Variants in CYLC2 observed in about 807,000 individuals in gnomAD.
CYLC2 encodes the protein cylicin 2.
In CYLC2, 30 loss-of-function variants were observed where a neutral mutation model predicts 26.1. The ratio of observed to expected loss-of-function variants is 1.15; its 90% confidence interval spans 0.86 to 1.56. The LOEUF is 1.56. Among genes scored for constraint, CYLC2 ranks in the 40% most tolerant of loss-of-function variants. CYLC2 has a pLI of 0.00. For missense variants in CYLC2, 498 were observed against 394.4 expected, an observed-to-expected ratio of 1.26 and a Z score of -2.23; for synonymous variants, 158 against 132.8, an observed-to-expected ratio of 1.19 and a Z score of -1.31.
Position 103,005,607 on chromosome 9 carries a change from G to A in CYLC2, c.976G>A (p.Asp326Asn), listed in dbSNP as rs775213952. Reference sequence around the variant, plus strand: ...GGATGCAAAGAAAAATGCTAAGAAGGATGCAAAGAAGGATGCAAAGAAGAA... The same window carrying A: ...GGATGCAAAGAAAAATGCTAAGAAGAATGCAAAGAAGGATGCAAAGAAGAA... ...KKDAKKNAKK[D>N]AKKDAKKNAK... Residue 326 changes from aspartate (D) to asparagine (N), a missense_variant, in exon 5 of 8, where the codon GAT becomes AAT. Physicochemically the swap from Asp to Asn is conservative, Grantham distance 23. Coordinates refer to ENST00000374798, the MANE Select transcript of CYLC2 (RefSeq NM_001340.5). 6 of 1,609,092 alleles carry A rather than the reference G, an allele frequency of 3.7e-6. No homozygotes were observed. The Middle Eastern group carries it at 5.0e-4, about 133-fold the overall frequency.
intron 1 of CYLC2, 69 bp downstream of exon 1, chr9:102,995,466 G>A (rs568432404): frequency 2.1e-5 from 24 of 1,161,474 alleles, no homozygotes; most frequent in South Asian, 1.6e-4. Flanking sequence ...TCTTTAGTAT[G>A]AAGAGATATT....
intron 6 of CYLC2, among the ~76,000 whole-genome samples, chr9:103,013,149 A>T (rs1315591797): frequency 6.7e-5 from 6 of 89,696 alleles, no homozygotes; most frequent in Non-Finnish European, 9.0e-5. Flanking sequence ...AATATATCAT[A>T]TATAAATATA....
intron 5 of CYLC2, among the ~76,000 whole-genome samples, chr9:103,008,505 A>T (rs1231400651): frequency 6.6e-6 from 1 of 152,054 alleles, no homozygotes; most frequent in Non-Finnish European, 1.5e-5. Context: ...CACCTAGTTG[A>T]CTAGCTTCCA....
Position 103,014,130 on chromosome 9 carries a change from A to G in CYLC2, c.*816+2033A>G, listed in dbSNP as rs1829457447. Among the ~76,000 whole-genome samples, 3 of 119,780 alleles carry G rather than the reference A, an allele frequency of 2.5e-5. No individual in the cohort carries two copies. In the South Asian group the frequency reaches 7.5e-4, roughly 30 times the overall value. The allele number at this position is 119,780 out of a possible 152,430, so 78.6% of individuals were successfully genotyped here. A position where few individuals can be genotyped will look rare whatever the true frequency, so the allele number is the denominator to read the frequency against. On this transcript the variant is annotated intron_variant, in intron 6 of 7. Coordinates refer to ENST00000374798, the MANE Select transcript of CYLC2 (RefSeq NM_001340.5). ...TAATAAATATATTTTATATTATATTATAATATATTAAATATATTATTTAAT... is the reference window on the plus strand; with the variant it reads ...TAATAAATATATTTTATATTATATTGTAATATATTAAATATATTATTTAAT...
chr9:103,008,171 A>T (rs1829371407), intron 5 of CYLC2, among the ~76,000 whole-genome samples: 1 of 152,024 alleles, frequency 6.6e-6, no homozygotes, highest in Non-Finnish European at 1.5e-5. Flanking sequence ...AGGCCCTTAA[A>T]ATTATTTTCA....
At chr9:103,011,469 A>T (rs1306277262) in intron 5 of CYLC2, among the ~76,000 whole-genome samples, 7 of 152,102 alleles carry the variant, frequency 4.6e-5, no homozygotes, top group Admixed American at 3.3e-4. Context: ...ATTTCTATAG[A>T]AAAGGTGACA....
Position 103,004,987 on chromosome 9 carries a change from A to T in CYLC2, c.356A>T (p.Glu119Val). Reference sequence around the variant, plus strand: ...TCCCCAGAAATTGGTAAGAAAGGTGAAGACAAGACAACACAGAAGGACACA... The same window carrying T: ...TCCCCAGAAATTGGTAAGAAAGGTGTAGACAAGACAACACAGAAGGACACA... The part of the protein sequence containing the change: ...SKAAEIGKKG[E>V]DKTTQKDTTD... Residue 119 changes from glutamate to valine, a missense_variant, in exon 5 of 8, where the codon GAA (glutamate) becomes GTA (valine). Transcript: ENST00000374798. 6.3e-7 allele frequency: 1 copy of T among 1,580,746 alleles called. No homozygotes were observed. Among genetic ancestry groups the T allele is most frequent in the Non-Finnish European group, 8.5e-7 (1 of 1,171,694 alleles).
At chr9:102,998,619 A>T (rs949742134) in intron 1 of CYLC2, among the ~76,000 whole-genome samples, 2 of 151,902 alleles carry the variant, frequency 1.3e-5, no homozygotes, top group Admixed American at 6.6e-5. Context: ...TATTTGGTTT[A>T]TTGCTGTTTG....
chr9:103,004,747 AC>A lies in CYLC2; in HGVS notation c.235del (p.Arg79ValfsTer3). ...RGDRRQPLWMYRSLMRISERP... is the reference protein window; with the variant it reads ...RGDRRQPLWMXRSLMRISERP... ...GATCGTAGACAACCATTATGGATGT[AC>A]CGTTCTTTAATGAGAATTTCTGAGA... On this transcript the variant is annotated frameshift_variant, in exon 4 of 8. Coordinates refer to ENST00000374798, the MANE Select transcript of CYLC2 (RefSeq NM_001340.5). LOFTEE classifies it high-confidence loss of function. The A allele has an allele frequency of 6.2e-7, 1 of 1,608,898 alleles. No homozygotes were observed. Among genetic ancestry groups the A allele is most frequent in the Non-Finnish European group, 8.5e-7 (1 of 1,177,256 alleles).
At chr9:103,001,657 C>T (rs779328192) in intron 2 of CYLC2, 39 bp downstream of exon 2, 2 of 1,332,730 alleles carry the variant, frequency 1.5e-6, no homozygotes, top group Non-Finnish European at 1.1e-6. Flanking sequence ...AACAGGTGTG[C>T]TTAATTTTAT....
chr9:103,008,484 A>G (rs1829374233), intron 5 of CYLC2, among the ~76,000 whole-genome samples: 2 of 152,022 alleles, frequency 1.3e-5, no homozygotes. Context: ...ATATCCAAAT[A>G]CTTACTTAAG....
chr9:103,001,584 A>C lies in CYLC2; in HGVS notation c.24A>C (p.Arg8Ser), dbSNP rs1484893647. 1 of 1,552,246 alleles carries C rather than the reference A, an allele frequency of 6.4e-7. No individual in the cohort carries two copies. The highest frequency in any genetic ancestry group is 1.7e-5 in the Admixed American group (1 of 57,394). The stretch of plus-strand genomic sequence containing the variant: ...TTCTTTTTTGTTTTAATAGCCAAAG[A>C]GTAAACTTTGGGCCATATGATAATT... MSLPRFQ[R>S]VNFGPYDNYI... Residue 8 changes from arginine to serine, a missense_variant, in exon 2 of 8, where the codon AGA becomes AGC. Physicochemically the swap from Arg to Ser is moderately radical, Grantham distance 110. Transcript: ENST00000374798.
chr9:103,009,935 G>GTATTATACACACATATATA (rs61507068), intron 5 of CYLC2, among the ~76,000 whole-genome samples: 4,205 of 149,202 alleles, frequency 0.028, 115 homozygotes, highest in African/African-American at 0.067. Flanking sequence ...ACACATATAT[G>GTATTATACACACATATATA]TATTATACAC....
intron 6 of CYLC2, among the ~76,000 whole-genome samples, chr9:103,014,207 T>C (rs1311113499): frequency 5.7e-5 from 7 of 122,292 alleles, no homozygotes; most frequent in African/African-American, 2.3e-4. Flanking sequence ...ATGAATATTA[T>C]ATATCTCATA....
chr9:103,008,416 G>A (rs1829373735), intron 5 of CYLC2, among the ~76,000 whole-genome samples: 1 of 151,936 alleles, frequency 6.6e-6, no homozygotes, highest in Non-Finnish European at 1.5e-5. Context: ...CCATTCTTAT[G>A]CTGTTGAATT....
At chr9:103,007,192 T>C (rs1472402014) in intron 5 of CYLC2, among the ~76,000 whole-genome samples, 1 of 152,056 alleles carries the variant, frequency 6.6e-6, no homozygotes, top group African/African-American at 2.4e-5. Context: ...TCAAAGAACA[T>C]GGAGAGACAA....
At chr9:103,001,287 CACA>C (rs1268523949) in intron 1 of CYLC2, among the ~76,000 whole-genome samples, 1 of 62,806 alleles carries the variant, frequency 1.6e-5, no homozygotes, top group Admixed American at 2.2e-4. Context: ...CTTATACACA[CACA>C]ATACATATAA....
In CYLC2 at chr9:103,009,750, T is replaced by A. The variant is rs1829386437; in HGVS notation, c.*701-2232T>A. On this transcript the variant is annotated intron_variant, in intron 5 of 7. Coordinates refer to ENST00000374798, the MANE Select transcript of CYLC2 (RefSeq NM_001340.5). ...TTCCAGACTCTGATAACCATCCTTT[T>A]ACCCTCTACCTCTATAGTTTGTTTT... Among the ~76,000 whole-genome samples the A allele has an allele frequency of 2.0e-5, 3 of 152,186 alleles. No individual in the cohort carries two copies. In the South Asian group the frequency reaches 6.2e-4, roughly 31 times the overall value.
chr9:103,002,659 C>T (rs1422501443), intron 2 of CYLC2, among the ~76,000 whole-genome samples: 1 of 152,064 alleles, frequency 6.6e-6, no homozygotes, highest in African/African-American at 2.4e-5. Context: ...GCTGCATTTA[C>T]TCTTGTAGCT....
Sources: gnomAD v4.1 joint callset for allele counts (sites outside exome capture counted in the v4.1 genomes callset) on GRCh38, gnomAD v4.1.1 for gene constraint, MANE v1.5 for transcripts, NCBI Gene and HGNC (gene_info 2026-07-23, HGNC 2026-07-21) for gene names.